RPAP1: variants seen among roughly 807,000 people sequenced by gnomAD.
The protein encoded by RPAP1 is RNA polymerase II associated protein 1, also known as RNA polymerase II-associated protein 1.
Under a neutral mutation model 142.4 loss-of-function variants are expected in RPAP1, and 109 were observed. The ratio of observed to expected loss-of-function variants is 0.77; its 90% CI spans 0.66 to 0.90. The LOEUF is 0.90. Among genes scored for constraint, RPAP1 ranks in the 40% least tolerant of loss-of-function variants. The pLI, the probability that RPAP1 is intolerant of heterozygous loss-of-function variation, is 0.00. For synonymous variants in RPAP1, 704 were observed against 738.9 expected (o/e 0.95, Z 0.77); for missense variants, 1,546 against 1,751.7 (o/e 0.88, Z 2.10).
At chr15:41,521,618 A>T in intron 21 of RPAP1, 120 bp downstream of exon 21, 4 of 1,107,708 alleles carry the variant, frequency 3.6e-6, no homozygotes, top group Non-Finnish European at 5.1e-6. Flanking sequence ...CGGAAGAGTT[A>T]AGTGTCGTCG....
rs762486017 is a variant in RPAP1, at chr15:41,517,501, T to C, written c.*41A>G. ...GCCAGACATCTGTTGAAAGGCTGGA[T>C]ACAGGACAACGTACCCATCTTTCCA... On this transcript the variant is annotated 3_prime_UTR_variant, in exon 25 of 25. Transcript: ENST00000304330. 5 of 1,498,894 alleles carry C rather than the reference T, an allele frequency of 3.3e-6. No individual in the cohort carries two copies. Among genetic ancestry groups the C allele is most frequent in the Non-Finnish European group, 4.5e-6 (5 of 1,116,350 alleles). The allele number at this position is 1,498,894 out of a possible 1,614,324, so 92.8% of individuals were successfully genotyped here.
rs146297209 is a variant in RPAP1 at position 41,543,085 on chromosome 15, G to C, written c.-77+1134C>G. Among the ~76,000 whole-genome samples the C allele has an allele frequency of 3.2e-3, 483 of 152,190 alleles. 1 individual carries two copies. The highest frequency in any genetic ancestry group is 5.2e-3 in the East Asian group (27 of 5,194). ...GTGCGCCATACCTACATCACAAAGA[G>C]AGCCAGGGGGTTATGGGCACCAGTT... On this transcript the variant is annotated intron_variant, in intron 1 of 24. Coordinates refer to ENST00000304330, the MANE Select transcript of RPAP1 (RefSeq NM_015540.4).
intron 1 of RPAP1, among the ~76,000 whole-genome samples, chr15:41,539,509 G>A (rs2051949582): frequency 6.6e-6 from 1 of 151,914 alleles, no homozygotes; most frequent in South Asian, 2.1e-4. Context: ...TGTTGGTCAG[G>A]CTGATCTCGA....
chr15:41,518,189 CAG>C lies in RPAP1; in HGVS notation c.3796-9_3796-8del. On this transcript the variant is annotated splice_region_variant and splice_polypyrimidine_tract_variant and intron_variant, in intron 22 of 24. Transcript: ENST00000304330. ...ACTCCAGGGACACAGGCAACTGTGA[CAG>C]GGGAAATGACGTGCTGAGGGGGAGG... The C allele has an allele frequency of 1.3e-6, 2 of 1,557,402 alleles. No homozygotes were observed. The highest frequency in any genetic ancestry group is 1.7e-6 in the Non-Finnish European group (2 of 1,156,458).
At chr15:41,522,361 C>A in intron 19 of RPAP1, 111 bp from the exon 20 acceptor site, 1 of 1,038,398 alleles carries the variant, frequency 9.6e-7, no homozygotes, top group Non-Finnish European at 1.4e-6. Context: ...AGCAGAAGGC[C>A]TCCCTTCCCC....
chr15:41,526,826 G>C, intron 14 of RPAP1, 72 bp downstream of exon 14: 4 of 1,459,636 alleles, frequency 2.7e-6, no homozygotes, highest in Non-Finnish European at 3.7e-6. Flanking sequence ...CCAGAGTTCA[G>C]GAGCCATGTT....
chr15:41,523,207 C>G (rs138545490), intron 18 of RPAP1, 38 bp downstream of exon 18: 25,652 of 1,389,296 alleles, frequency 0.018, 258 homozygotes, highest in Non-Finnish European at 0.022. Context: ...AAATTGCCTC[C>G]TCCCCTGCTT....
intron 14 of RPAP1, among the ~76,000 whole-genome samples, chr15:41,525,478 A>G (rs2051782061): frequency 1.3e-5 from 2 of 151,680 alleles, no homozygotes. Flanking sequence ...AGCTGGGACT[A>G]CAGGCATGCG....
intron 18 of RPAP1, 37 bp from the exon 19 acceptor site, chr15:41,522,997 C>A: frequency 1.2e-5 from 18 of 1,476,488 alleles, no homozygotes; most frequent in Non-Finnish European, 1.6e-5. Context: ...GGGACTCTGG[C>A]CTGGCGTGTG....
rs1199609168 is a variant in RPAP1 at position 41,520,754 on chromosome 15, G to A, written c.3432C>T (p.Pro1144=). ...QWVLVLESWR[P]QALWAVPPAA... ...CAGGGGGCACAGCCCAGAGAGCCTG[G>A]GGGCGCCAGCTCTCCAAAACTAGCA... Residue 1144 remains proline (P), a synonymous_variant, in exon 22 of 25, where the codon CCC becomes CCT. Transcript: ENST00000304330. 3 of 1,613,746 alleles carry A rather than the reference G, an allele frequency of 1.9e-6. No homozygotes were observed. The highest frequency in any genetic ancestry group is 4.5e-5 in the East Asian group (2 of 44,858).
At chr15:41,534,607 AAG>A in intron 6 of RPAP1, 105 bp downstream of exon 6, 66 of 515,352 alleles carry the variant, frequency 1.3e-4, no homozygotes, top group Middle Eastern at 6.0e-4. Flanking sequence ...AAAAAAAAAA[AAG>A]CATTAAAGTA....
At chr15:41,539,606 T>G (rs2051950855) in intron 1 of RPAP1, among the ~76,000 whole-genome samples, 1 of 152,056 alleles carries the variant, frequency 6.6e-6, no homozygotes, top group Non-Finnish European at 1.5e-5. Flanking sequence ...ATTTTTGTGT[T>G]TTTTACAGAG....
chr15:41,537,209 CAAGA>C lies in RPAP1; in HGVS notation c.-76-12_-76-9del. ...GTTCCCTCTTATTCATCCCTAAGAGCAAGAAAGAATATGGGCCCTCTGCAACTGA... is the reference window on the plus strand; with the variant it reads ...GTTCCCTCTTATTCATCCCTAAGAGCAAGAATATGGGCCCTCTGCAACTGA... On this transcript the variant is annotated splice_polypyrimidine_tract_variant and intron_variant, in intron 1 of 24. Coordinates refer to ENST00000304330, the MANE Select transcript of RPAP1 (RefSeq NM_015540.4). 7.2e-7 allele frequency: 1 copy of C among 1,382,116 alleles called. No homozygotes were observed. Among genetic ancestry groups the C allele is most frequent in the Non-Finnish European group, 9.9e-7 (1 of 1,009,940 alleles). The allele number at this position is 1,382,116 out of a possible 1,614,324, so 85.6% of individuals were successfully genotyped here.
intron 1 of RPAP1, among the ~76,000 whole-genome samples, chr15:41,540,626 C>A (rs976778698): frequency 1.3e-5 from 2 of 152,140 alleles, no homozygotes; most frequent in Non-Finnish European, 2.9e-5. Context: ...TCAAATTTTA[C>A]AGCTGAGAAA....
intron 15 of RPAP1, among the ~76,000 whole-genome samples, 197 bp downstream of exon 15, chr15:41,524,794 A>G (rs1341962491): frequency 6.6e-6 from 1 of 152,096 alleles, no homozygotes; most frequent in Non-Finnish European, 1.5e-5. Context: ...AGCATAGAAT[A>G]CGGTTAAGCC....
At position 41,535,528 on chromosome 15, in the gene RPAP1, G is replaced by A. The variant is rs774938653; in HGVS notation, c.525C>T (p.Asn175=). The change falls in exon 5 of 25, where the codon AAC becomes AAT. Residue 175 remains asparagine (N), a synonymous_variant. Coordinates refer to ENST00000304330, the MANE Select transcript of RPAP1 (RefSeq NM_015540.4). ...KGPSVGEVVP[N]VGPPEGAVTC... is the part of the protein sequence containing the mutation. The stretch of plus-strand genomic sequence containing the variant: ...CCGGCTCACCCTCTGGTGGGCCCAC[G>A]TTGGGCACAACTTCCCCAACTGATG... 1.6e-5 allele frequency: 26 copies of A among 1,610,822 alleles called. No homozygotes were observed. Among genetic ancestry groups the A allele is most frequent in the African/African-American group, 2.7e-5 (2 of 74,644 alleles).
chr15:41,520,651 C>A lies in RPAP1; in HGVS notation c.3535G>T (p.Val1179Leu), dbSNP rs761419404. Residue 1179 changes from valine (V) to leucine (L), a missense_variant, in exon 22 of 25, where the codon GTG (valine) becomes TTG (leucine). This residue lies in a region of RPAP1 where 1,333 missense variants were observed against 1,486.6 expected (regional missense o/e 0.90). Coordinates refer to ENST00000304330, the MANE Select transcript of RPAP1 (RefSeq NM_015540.4). ...LFRESPVQHL[V>L]AALLAQLCQP... Reference sequence around the variant, plus strand: ...CAGAGCTGGGCGAGGAGGGCTGCCACCAGATGCTGTACTGGGGACTCCCGG... The same window carrying A: ...CAGAGCTGGGCGAGGAGGGCTGCCAACAGATGCTGTACTGGGGACTCCCGG... The A allele has an allele frequency of 6.2e-7, 1 of 1,614,184 alleles. No individual in the cohort carries two copies. Among genetic ancestry groups the A allele is most frequent in the Non-Finnish European group, 8.5e-7 (1 of 1,180,042 alleles).
chr15:41,533,304 T>C (rs2051873588), intron 6 of RPAP1: 1 of 151,040 alleles, frequency 6.6e-6, no homozygotes, highest in Admixed American at 6.6e-5. Flanking sequence ...ACCCCATCTC[T>C]ACTGAAAATA....
chr15:41,520,996 A>T lies in RPAP1; in HGVS notation c.3190T>A (p.Ser1064Thr). 6.2e-7 allele frequency: 1 copy of T among 1,607,154 alleles called. No individual in the cohort carries two copies. The highest frequency in any genetic ancestry group is 8.5e-7 in the Non-Finnish European group (1 of 1,176,488). The change falls in exon 22 of 25, where the codon TCG becomes ACG. Residue 1064 changes from serine (S) to threonine (T), a missense_variant. Physicochemically the swap from Ser to Thr is moderately conservative, Grantham distance 58. Around this residue, in one of 3 missense-constraint regions of RPAP1, gnomAD observed 1,333 missense variants for 1,486.6 expected, o/e 0.90. Transcript: ENST00000304330. ...GCCAGCAGACTGGCTCGGGCTGGCG[A>T]GCAATGAGTCAGGTAGCAGTTGCGG... Reference protein sequence around the residue: ...SIRNCYLTHCSPARASLLASQ... With the variant: ...SIRNCYLTHCTPARASLLASQ...
Sources: allele counts gnomAD v4.1 joint callset (sites outside exome capture counted in the v4.1 genomes callset), GRCh38; gene constraint gnomAD v4.1.1; regional missense constraint gnomAD v4.1.1; transcripts MANE v1.5; gene names NCBI Gene and HGNC (gene_info 2026-07-23, HGNC 2026-07-21).